Variants in NPR1 observed in about 807,000 individuals in gnomAD.
NPR1 encodes the protein natriuretic peptide receptor 1, also known as atrial natriuretic peptide receptor 1.
NPR1 carries 57 observed loss-of-function variants against 116.9 expected under a neutral mutation model. That is an observed-to-expected ratio of 0.49 (90% CI 0.39 to 0.61). The LOEUF (loss-of-function observed/expected upper bound fraction) is 0.61. Among genes scored for constraint, NPR1 ranks in the 20% least tolerant of loss-of-function variants. NPR1 has a pLI of 0.00. For synonymous variants in NPR1, 555 were observed against 601.6 expected (o/e 0.92, Z 1.13); for missense variants, 1,096 against 1,409.8 (o/e 0.78, Z 3.56).
chr1:153,688,990 C>T lies in NPR1; in HGVS notation c.2455C>T (p.Arg819Cys), dbSNP rs1174806146. 3 of 1,614,168 alleles carry T rather than the reference C, an allele frequency of 1.9e-6. No homozygotes were observed. Among genetic ancestry groups the T allele is most frequent in the East Asian group, 2.2e-5 (1 of 44,874 alleles). ...CAACATCCTGGACAACCTGCTGTCC[C>T]GCATGGAGCAGTACGCGAACAATCT... Reference protein sequence around the residue: ...SSNILDNLLSRMEQYANNLEE... With the variant: ...SSNILDNLLSCMEQYANNLEE... The change falls in exon 16 of 22, where the codon CGC becomes TGC. Residue 819 changes from arginine to cysteine, a missense_variant. Arg to Cys is a radical substitution (Grantham distance 180, BLOSUM62 -3). Transcript: ENST00000368680.
At position 153,689,267 on chromosome 1, in the gene NPR1, A is replaced by G. The variant is rs1194607311; in HGVS notation, c.2644A>G (p.Ile882Val). ...FDSVTIYFSD[I>V]VGFTALSAES... ...CAGTGTTACCATCTACTTCAGTGAC[A>G]TTGTGGGTTTCACAGCGCTGTCGGC... Residue 882 changes from isoleucine (I) to valine (V), a missense_variant, in exon 17 of 22, where the codon ATT becomes GTT. Ile to Val is a conservative substitution (Grantham distance 29). Transcript: ENST00000368680. This position sits in a 1 kb window ranked among gnomAD's most constrained non-coding sequence, Gnocchi z 5.1. 1.2e-6 allele frequency: 2 copies of G among 1,614,064 alleles called. No homozygotes were observed. The highest frequency in any genetic ancestry group is 1.7e-6 in the Non-Finnish European group (2 of 1,180,040).
In NPR1 at chr1:153,680,713, G is replaced by T. The variant is rs752086059; in HGVS notation, c.921+13G>T. On this transcript the variant is annotated intron_variant, in intron 2 of 21. Coordinates refer to ENST00000368680, the MANE Select transcript of NPR1 (RefSeq NM_000906.4). ...CCAGGCCTTTCAGGTGAGTACCTAG[G>T]TTTGAAGCCCAGGCTGTCTCAGCTT... 26 of 1,602,706 alleles carry T rather than the reference G, an allele frequency of 1.6e-5. No homozygotes were observed. Among genetic ancestry groups the T allele is most frequent in the Non-Finnish European group, 2.2e-5 (26 of 1,172,870 alleles).
Position 153,682,536 on chromosome 1 carries a change from C to G in NPR1, c.1210C>G (p.Arg404Gly). 6.2e-7 allele frequency: 1 copy of G among 1,614,024 alleles called. No homozygotes were observed. The highest frequency in any genetic ancestry group is 1.7e-5 in the Admixed American group (1 of 60,022). Reference sequence around the variant, plus strand: ...CCTGAAAATTGATAGCAGTGGCGATCGGGAAACAGACTTCTCCCTCTGGGA... The same window carrying G: ...CCTGAAAATTGATAGCAGTGGCGATGGGGAAACAGACTTCTCCCTCTGGGA... ...GYLKIDSSGD[R>G]ETDFSLWDMD... is the part of the protein sequence containing the mutation. Residue 404 changes from arginine to glycine, a missense_variant, in exon 5 of 22, where the codon CGG (arginine) becomes GGG (glycine). Transcript: ENST00000368680.
rs138609379 is a variant in NPR1 at position 153,689,927 on chromosome 1, G to A, written c.2879G>A (p.Arg960Gln). 2.3e-5 allele frequency: 36 copies of A among 1,554,128 alleles called. No individual in the cohort carries two copies. Among genetic ancestry groups the A allele is most frequent in the Admixed American group, 2.1e-4 (11 of 51,762 alleles). Residue 960 changes from arginine to glutamine, a missense_variant, in exon 19 of 22, where the codon CGA (arginine) becomes CAA (glutamine). Physicochemically the swap from Arg to Gln is conservative, Grantham distance 43. Coordinates refer to ENST00000368680, the MANE Select transcript of NPR1 (RefSeq NM_000906.4). The surrounding 1 kb of genome is among the most constrained non-coding windows in gnomAD (Gnocchi z 5.1). ...CTGCTGGATGCTGTGCGCTCCTTCC[G>A]AATCCGCCACCGGCCCCAGGAGCAG... ...LALLDAVRSFRIRHRPQEQLR... is the reference protein window; with the variant it reads ...LALLDAVRSFQIRHRPQEQLR...
Position 153,687,272 on chromosome 1 carries a change from G to A in NPR1, c.2008G>A (p.Gly670Arg), listed in dbSNP as rs372587238. ...NLKSSNCVVD[G>R]RFVLKITDYG... ...CAAGTCATCCAACTGCGTGGTAGAT[G>A]GGCGCTTTGTGCTCAAGATCACCGA... Residue 670 changes from glycine (G) to arginine (R), a missense_variant, in exon 13 of 22, where the codon GGG (glycine) becomes AGG (arginine). Physicochemically the swap from Gly to Arg is moderately radical, Grantham distance 125. Transcript: ENST00000368680. 2.3e-5 allele frequency: 37 copies of A among 1,614,006 alleles called. No individual in the cohort carries two copies. The highest frequency in any genetic ancestry group is 1.3e-4 in the Admixed American group (8 of 59,998).
intron 20 of NPR1, among the ~76,000 whole-genome samples, chr1:153,691,502 C>T (rs1056429566): frequency 1.3e-5 from 2 of 152,142 alleles, no homozygotes; most frequent in Non-Finnish European, 2.9e-5. Flanking sequence ...TCCTGGGAGC[C>T]CAGAGGGATC....
chr1:153,687,762 G>C lies in NPR1; in HGVS notation c.2221G>C (p.Val741Leu), dbSNP rs371305375. 6.3e-7 allele frequency: 1 copy of C among 1,598,464 alleles called. No homozygotes were observed. Among genetic ancestry groups the C allele is most frequent in the Middle Eastern group, 1.7e-4 (1 of 6,000 alleles). The change falls in exon 14 of 22, where the codon GTG becomes CTG. Residue 741 changes from valine to leucine, a missense_variant. Val to Leu is a conservative substitution (Grantham distance 32). Transcript: ENST00000368680. Reference sequence around the variant, plus strand: ...TGCCCTGAGGAGTGGGGTCTTCCACGTGGAAGGTTTGGACCTGAGCCCCAA... The same window carrying C: ...TGCCCTGAGGAGTGGGGTCTTCCACCTGGAAGGTTTGGACCTGAGCCCCAA... ...EIALRSGVFH[V>L]EGLDLSPKEI...
intron 20 of NPR1, among the ~76,000 whole-genome samples, chr1:153,690,621 A>C (rs980016518): frequency 1.4e-4 from 22 of 152,054 alleles, no homozygotes; most frequent in Admixed American, 1.1e-3. Context: ...CCAGTGCTGG[A>C]GAGTTCCCAG....
chr1:153,683,756 G>A lies in NPR1; in HGVS notation c.1416G>A (p.Leu472=), dbSNP rs1669849963. Residue 472 remains leucine (L), a synonymous_variant, in exon 7 of 22, where the codon CTG becomes CTA. Coordinates refer to ENST00000368680, the MANE Select transcript of NPR1 (RefSeq NM_000906.4). ...CTCCTGCAGATCACCTTTCCACCCTGGAGGTGCTGGCTTTGGTGGGCAGCC... is the reference window on the plus strand; with the variant it reads ...CTCCTGCAGATCACCTTTCCACCCTAGAGGTGCTGGCTTTGGTGGGCAGCC... ...PACNQDHLST[L]EVLALVGSLS... is the part of the protein sequence containing the mutation. 6.2e-7 allele frequency: 1 copy of A among 1,614,122 alleles called. No homozygotes were observed. Among genetic ancestry groups the A allele is most frequent in the East Asian group, 2.2e-5 (1 of 44,884 alleles).
In NPR1 at chr1:153,689,482, T is replaced by G; in HGVS notation, c.2718T>G (p.Thr906=). Residue 906 remains threonine, a synonymous_variant, in exon 18 of 22, where the codon ACT becomes ACG. Coordinates refer to ENST00000368680, the MANE Select transcript of NPR1 (RefSeq NM_000906.4). This position sits in a 1 kb window ranked among gnomAD's most constrained non-coding sequence, Gnocchi z 5.1. ...TGACCCTGCTCAATGACCTGTACAC[T>G]TGCTTTGATGCTGTCATAGACAACT... ...QVVTLLNDLY[T]CFDAVIDNFD... 1 of 1,614,128 alleles carries G rather than the reference T, an allele frequency of 6.2e-7. No individual in the cohort carries two copies. The highest frequency in any genetic ancestry group is 8.5e-7 in the Non-Finnish European group (1 of 1,180,020).
Position 153,690,377 on chromosome 1 carries a change from G to A in NPR1, c.3026G>A (p.Gly1009Glu). The A allele has an allele frequency of 3.2e-6, 5 of 1,555,862 alleles. No homozygotes were observed. The highest frequency in any genetic ancestry group is 4.4e-6 in the Non-Finnish European group (5 of 1,148,524). ...VNTASRMESN[G>E]EALKIHLSSE... ...ACAGCCTCAAGAATGGAGTCTAATG[G>A]GGAAGGTACAGTGCCCCCTCCTAGA... The change falls in exon 20 of 22, where the codon GGG becomes GAG. Residue 1009 changes from glycine (G) to glutamate (E), a missense_variant. Physicochemically the swap from Gly to Glu is moderately conservative, Grantham distance 98 (BLOSUM62 -2). Transcript: ENST00000368680.
At chr1:153,691,188 C>T (rs955049134) in intron 20 of NPR1, among the ~76,000 whole-genome samples, 2 of 152,160 alleles carry the variant, frequency 1.3e-5, no homozygotes, top group Non-Finnish European at 2.9e-5. Context: ...TTAACTTTTC[C>T]AAGCCTTAGC....
intron 14 of NPR1, 75 bp downstream of exon 14, chr1:153,687,864 C>T: frequency 7.0e-7 from 1 of 1,433,168 alleles, no homozygotes; most frequent in East Asian, 2.3e-5. Context: ...GGTCCCCTGG[C>T]AGCACCACCA....
chr1:153,683,392 A>G lies in NPR1; in HGVS notation c.1280A>G (p.Asn427Ser), dbSNP rs952600653. 4.3e-6 allele frequency: 7 copies of G among 1,613,994 alleles called. No homozygotes were observed. Among genetic ancestry groups the G allele is most frequent in the South Asian group, 1.1e-5 (1 of 91,080 alleles). Reference protein sequence around the residue: ...NGAFRVVLNYNGTSQELVAVS... With the variant: ...NGAFRVVLNYSGTSQELVAVS... ...CTCCCTTAGGTTGTACTGAACTACAATGGGACTTCCCAAGAGCTGGTGGCT... is the reference window on the plus strand; with the variant it reads ...CTCCCTTAGGTTGTACTGAACTACAGTGGGACTTCCCAAGAGCTGGTGGCT... Residue 427 changes from asparagine (N) to serine (S), a missense_variant, in exon 6 of 22, where the codon AAT becomes AGT. By Grantham distance (46) the Asn-to-Ser change is conservative (BLOSUM62 1). Transcript: ENST00000368680.
At chr1:153,681,960 C>T in intron 4 of NPR1, 121 bp downstream of exon 4, 3 of 1,239,052 alleles carry the variant, frequency 2.4e-6, no homozygotes, top group Non-Finnish European at 3.3e-6. Flanking sequence ...GCCTTTTCCT[C>T]CACAGCTTTT....
At chr1:153,680,901 C>G in intron 2 of NPR1, 1 of 619,922 alleles carries the variant, frequency 1.6e-6, no homozygotes, top group East Asian at 2.8e-5. Flanking sequence ...AGGGGACTGC[C>G]CAGGGGCGCT....
chr1:153,685,493 G>A (rs754893104), intron 8 of NPR1, among the ~76,000 whole-genome samples: 8 of 151,968 alleles, frequency 5.3e-5, no homozygotes, highest in African/African-American at 1.7e-4. Flanking sequence ...GCAAGACATC[G>A]TCTCTACAAA....
At chr1:153,687,863 G>T in intron 14 of NPR1, 74 bp downstream of exon 14, 1 of 1,459,784 alleles carries the variant, frequency 6.9e-7, no homozygotes. Context: ...GGGTCCCCTG[G>T]CAGCACCACC....
At position 153,689,947 on chromosome 1, in the gene NPR1, G is replaced by A. The variant is rs35479618; in HGVS notation, c.2899G>A (p.Glu967Lys). The part of the protein sequence containing the change: ...RSFRIRHRPQ[E>K]QLRLRIGIHT... ...CTTCCGAATCCGCCACCGGCCCCAG[G>A]AGCAGCTGCGCTTGCGCATTGGCAT... Residue 967 changes from glutamate to lysine, a missense_variant, in exon 19 of 22, where the codon GAG becomes AAG. Transcript: ENST00000368680. This position sits in a 1 kb window ranked among gnomAD's most constrained non-coding sequence, Gnocchi z 5.1. 22,007 of 1,544,660 alleles carry A rather than the reference G, an allele frequency of 0.014. 192 individuals are homozygous for A. Among genetic ancestry groups the A allele is most frequent in the Non-Finnish European group, 0.017 (19,494 of 1,142,074 alleles).
Sources: allele counts gnomAD v4.1 joint callset (sites outside exome capture counted in the v4.1 genomes callset), GRCh38; gene constraint gnomAD v4.1.1; non-coding constraint Gnocchi (gnomAD v3.1); transcripts MANE v1.5; gene names NCBI Gene and HGNC (gene_info 2026-07-23, HGNC 2026-07-21).